Variants in FAT4 observed in about 807,000 individuals in gnomAD.
FAT4 encodes FAT atypical cadherin 4, also known as protocadherin Fat 4.
A neutral mutation model predicts 303.9 loss-of-function variants in FAT4; 84 were observed. The observed-to-expected ratio is 0.28, with a 90% CI of 0.23 to 0.33. The LOEUF (loss-of-function observed/expected upper bound fraction) is 0.33, where lower values mean the gene tolerates loss of function less well. FAT4 is among the 10% of genes least tolerant of loss of function. The probability of loss-of-function intolerance (pLI) is 1.00; values close to 1 mark genes in which losing one functional copy is unlikely to be tolerated. For synonymous variants in FAT4, 2,307 were observed against 2,298.8 expected, an observed-to-expected ratio of 1.00 and a Z score of -0.10; for missense variants, 6,005 against 6,146.8, an observed-to-expected ratio of 0.98 and a Z score of 0.77.
intron 8 of FAT4, among the ~76,000 whole-genome samples, chr4:125,440,731 A>G (rs1725632885): frequency 1.3e-5 from 2 of 151,954 alleles, no homozygotes; most frequent in African/African-American, 4.8e-5. Flanking sequence ...AAAATTTTGC[A>G]CCCATATTTA....
intron 2 of FAT4, among the ~76,000 whole-genome samples, chr4:125,374,821 A>T (rs1733252145): frequency 6.6e-6 from 1 of 152,196 alleles, no homozygotes; most frequent in Non-Finnish European, 1.5e-5. Context: ...TAAAATCCAG[A>T]ATAATTAAGT....
intron 2 of FAT4, among the ~76,000 whole-genome samples, chr4:125,346,484 C>T (rs963800782): frequency 6.6e-6 from 1 of 151,710 alleles, no homozygotes; most frequent in African/African-American, 2.4e-5. Flanking sequence ...AAGGGTAATG[C>T]AAACTATTGA....
chr4:125,472,442 T>G (rs1330878416), intron 12 of FAT4, among the ~76,000 whole-genome samples: 1 of 152,166 alleles, frequency 6.6e-6, no homozygotes, highest in Non-Finnish European at 1.5e-5. Flanking sequence ...TTTTGCTAGT[T>G]TTTTTCCCTA....
At chr4:125,440,610 T>TGTGTGTGAGATA (rs372756130) in intron 8 of FAT4, among the ~76,000 whole-genome samples, 1 of 75,728 alleles carries the variant, frequency 1.3e-5, no homozygotes. Flanking sequence ...TGTGTGTGTG[T>TGTGTGTGAGATA]GAGAGAGAGA....
At chr4:125,435,929 A>G (rs966093126) in intron 8 of FAT4, among the ~76,000 whole-genome samples, 8 of 151,806 alleles carry the variant, frequency 5.3e-5, no homozygotes, top group African/African-American at 1.7e-4. Flanking sequence ...ATCCAAGTAG[A>G]GTAACTTTGT....
intron 7 of FAT4, among the ~76,000 whole-genome samples, chr4:125,430,625 A>C (rs948209595): frequency 6.7e-6 from 1 of 149,418 alleles, no homozygotes; most frequent in African/African-American, 2.5e-5. Context: ...AAGTTGAGAC[A>C]GTTGAAGAAA....
chr4:125,468,799 A>T lies in FAT4; in HGVS notation c.12193A>T (p.Ile4065Phe), dbSNP rs1726762239. The change falls in exon 12 of 18, where the codon ATT (isoleucine) becomes TTT (phenylalanine). Residue 4065 changes from isoleucine to phenylalanine, a missense_variant. By Grantham distance (21) the Ile-to-Phe change is conservative. Coordinates refer to ENST00000394329, the MANE Select transcript of FAT4 (RefSeq NM_001291303.3). ...KVSDGHFHTV[I>F]ARRAGMAASL... ...GTCAGATGGACATTTTCACACTGTGATTGCCAGGAGAGCAGGAATGGTAAG... is the reference window on the plus strand; with the variant it reads ...GTCAGATGGACATTTTCACACTGTGTTTGCCAGGAGAGCAGGAATGGTAAG... 1.2e-6 allele frequency: 2 copies of T among 1,611,450 alleles called. No individual in the cohort carries two copies. Among genetic ancestry groups the T allele is most frequent in the Admixed American group, 1.7e-5 (1 of 59,932 alleles).
chr4:125,405,325 A>G (rs1005492523), intron 3 of FAT4, among the ~76,000 whole-genome samples: 1 of 152,110 alleles, frequency 6.6e-6, no homozygotes, highest in African/African-American at 2.4e-5. Flanking sequence ...TTTCCACAAC[A>G]GCTGTATCAT....
chr4:125,317,564 G>T lies in FAT4; in HGVS notation c.1153G>T (p.Ala385Ser), dbSNP rs1448164409. 1.9e-6 allele frequency: 3 copies of T among 1,613,878 alleles called. No individual in the cohort carries two copies. The South Asian group carries it at 3.3e-5, about 18-fold the overall frequency. Reference sequence around the variant, plus strand: ...GGTGGCTCTGCTCACCGTGACGGACGCAGATTCTCCCGCGGCCAACGGGAA... The same window carrying T: ...GGTGGCTCTGCTCACCGTGACGGACTCAGATTCTCCCGCGGCCAACGGGAA... The part of the protein sequence containing the change: ...TVVALLTVTD[A>S]DSPAANGNIS... The change falls in exon 2 of 18, where the codon GCA (alanine) becomes TCA (serine). Residue 385 changes from alanine to serine, a missense_variant. Ala to Ser is a moderately conservative substitution (Grantham distance 99). Transcript: ENST00000394329. This position sits in a 1 kb window ranked among gnomAD's most constrained non-coding sequence, Gnocchi z 7.0.
intron 2 of FAT4, among the ~76,000 whole-genome samples, chr4:125,322,683 G>T (rs1369299830): frequency 6.6e-6 from 1 of 151,600 alleles, no homozygotes; most frequent in Non-Finnish European, 1.5e-5. Context: ...TTCTTTTTTG[G>T]GGGGAGGAGG....
rs1730570209 is a variant in FAT4 at position 125,316,075 on chromosome 4, ACG to A, written c.-13+100_-13+101del. 6.6e-6 allele frequency among the ~76,000 whole-genome samples: 1 copy of A among 152,110 alleles called. No homozygotes were observed. Among genetic ancestry groups the A allele is most frequent in the Non-Finnish European group, 1.5e-5 (1 of 68,010 alleles). ...CCAACTCTCATCCACCCGGGTGAAA[ACG>A]CTCAGACTATCTGGATTCAAAAACA... On this transcript the variant is annotated intron_variant, in intron 1 of 17. Coordinates refer to ENST00000394329, the MANE Select transcript of FAT4 (RefSeq NM_001291303.3). This position sits in a 1 kb window ranked among gnomAD's most constrained non-coding sequence, Gnocchi z 5.7.
intron 9 of FAT4, among the ~76,000 whole-genome samples, chr4:125,447,733 A>G (rs542331360): frequency 3.9e-5 from 6 of 152,218 alleles, no homozygotes; most frequent in African/African-American, 1.4e-4. Flanking sequence ...GCTTTTCTGC[A>G]TATTTTTACG....
At chr4:125,383,094 G>A (rs937085027) in intron 2 of FAT4, among the ~76,000 whole-genome samples, 1 of 152,140 alleles carries the variant, frequency 6.6e-6, no homozygotes, top group East Asian at 1.9e-4. Context: ...TATCTTTTGT[G>A]TGTTCTCTGG....
In FAT4 at chr4:125,448,651, A is replaced by G. The variant is rs1349461016; in HGVS notation, c.7641A>G (p.Ser2547=). ...TFSVHVKDGG[S]FPKTDSTTVT... is the part of the protein sequence containing the mutation. ...CTGTGCATGTAAAAGATGGTGGCTC[A>G]TTTCCAAAGACAGATTCTACAACAG... is the stretch of plus-strand genomic sequence containing the variant. Residue 2547 remains serine, a synonymous_variant, in exon 10 of 18, where the codon TCA becomes TCG. Coordinates refer to ENST00000394329, the MANE Select transcript of FAT4 (RefSeq NM_001291303.3). 1.2e-6 allele frequency: 2 copies of G among 1,613,830 alleles called. No individual in the cohort carries two copies. The highest frequency in any genetic ancestry group is 2.7e-5 in the African/African-American group (2 of 74,908).
chr4:125,415,027 G>T lies in FAT4; in HGVS notation c.6064G>T (p.Asp2022Tyr). The T allele has an allele frequency of 6.2e-7, 1 of 1,614,020 alleles. No individual in the cohort carries two copies. Among genetic ancestry groups the T allele is most frequent in the Non-Finnish European group, 8.5e-7 (1 of 1,179,954 alleles). The part of the protein sequence containing the change: ...SFYNLVVQVH[D>Y]LPQIPASRFT... ...CTACAACTTGGTTGTTCAAGTGCAT[G>T]ACCTGCCACAGATTCCAGCCTCCAG... Residue 2022 changes from aspartate (D) to tyrosine (Y), a missense_variant, in exon 6 of 18, where the codon GAC becomes TAC. Asp to Tyr is a radical substitution (Grantham distance 160). Transcript: ENST00000394329.
rs372991940 is a variant in FAT4 at position 125,318,165 on chromosome 4, C to T, written c.1754C>T (p.Pro585Leu). 20 of 1,614,034 alleles carry T rather than the reference C, an allele frequency of 1.2e-5. No homozygotes were observed. Among genetic ancestry groups the T allele is most frequent in the African/African-American group, 1.1e-4 (8 of 74,910 alleles). Reference sequence around the variant, plus strand: ...GATGAAAAGCCAGTATTTAGCCAGCCAGAAGGGTATGATGTGTCTGTGGTT... The same window carrying T: ...GATGAAAAGCCAGTATTTAGCCAGCTAGAAGGGTATGATGTGTCTGTGGTT... ...VNDEKPVFSQ[P>L]EGYDVSVVEN... The change falls in exon 2 of 18, where the codon CCA becomes CTA. Residue 585 changes from proline to leucine, a missense_variant. Pro to Leu is a moderately conservative substitution (Grantham distance 98). Transcript: ENST00000394329.
At chr4:125,360,776 A>C (rs920870426) in intron 2 of FAT4, among the ~76,000 whole-genome samples, 1 of 152,004 alleles carries the variant, frequency 6.6e-6, no homozygotes, top group Non-Finnish European at 1.5e-5. Flanking sequence ...ATGCTATTAG[A>C]GGCATAGCCA....
chr4:125,448,329 T>A (rs926525020), intron 9 of FAT4, 132 bp from the exon 10 acceptor site: 4 of 803,730 alleles, frequency 5.0e-6, no homozygotes, highest in Non-Finnish European at 7.8e-6. Context: ...TAGGAGATAC[T>A]GTTCTCCCTA....
At chr4:125,335,098 G>T (rs184991692) in intron 2 of FAT4, among the ~76,000 whole-genome samples, 1 of 152,266 alleles carries the variant, frequency 6.6e-6, no homozygotes, top group East Asian at 1.9e-4. Flanking sequence ...AATTTTCTCT[G>T]TAGGACAAGA....
Sources: allele counts gnomAD v4.1 joint callset (sites outside exome capture counted in the v4.1 genomes callset), GRCh38; gene constraint gnomAD v4.1.1; non-coding constraint Gnocchi (gnomAD v3.1); transcripts MANE v1.5; gene names NCBI Gene and HGNC (gene_info 2026-07-23, HGNC 2026-07-21).